CEP152: variants seen among roughly 807,000 people sequenced by gnomAD.
CEP152 encodes the protein centrosomal protein 152, also known as centrosomal protein of 152 kDa.
A neutral mutation model predicts 188.9 loss-of-function variants in CEP152; 132 were observed. The observed-to-expected ratio is 0.70, with a 90% CI of 0.61 to 0.81. CEP152 has a LOEUF of 0.81. CEP152 is among the 30% of genes least tolerant of loss of function. The pLI is 0.00. For missense variants in CEP152, 1,914 were observed against 1,969.8 expected, an observed-to-expected ratio of 0.97 and a Z score of 0.54; for synonymous variants, 649 against 666.6, an observed-to-expected ratio of 0.97 and a Z score of 0.41.
At chr15:48,791,051 G>A (rs1410409254) in intron 8 of CEP152, among the ~76,000 whole-genome samples, 186 bp downstream of exon 8, 4 of 151,938 alleles carry the variant, frequency 2.6e-5, no homozygotes, top group African/African-American at 9.6e-5. Context: ...GAAGCAGCAG[G>A]AAAAATAAAA....
chr15:48,757,148 C>T (rs564384914), intron 19 of CEP152, among the ~76,000 whole-genome samples: 2 of 150,398 alleles, frequency 1.3e-5, no homozygotes, highest in East Asian at 2.0e-4. Context: ...AAAGTAATAG[C>T]GAAATCAAAA....
At chr15:48,760,040 C>T in intron 19 of CEP152, 95 bp downstream of exon 19, 1 of 1,526,186 alleles carries the variant, frequency 6.6e-7, no homozygotes, top group Non-Finnish European at 9.0e-7. Context: ...TATCCTTCAA[C>T]AATTCTATGA....
chr15:48,767,419 T>C lies in CEP152; in HGVS notation c.2063A>G (p.Gln688Arg). Residue 688 changes from glutamine (Q) to arginine (R), a missense_variant, in exon 16 of 27, where the codon CAA becomes CGA. Physicochemically the swap from Gln to Arg is conservative, Grantham distance 43 (BLOSUM62 1). Transcript: ENST00000380950. ...CTTTGCTAATAGGCTTTCACGTATT[T>C]GAGTTTTCATGGCTTCATGGTGCTG... ...YQQHHEAMKT[Q>R]IRESLLAKHA... 1 of 1,614,146 alleles carries C rather than the reference T, an allele frequency of 6.2e-7. No individual in the cohort carries two copies. The highest frequency in any genetic ancestry group is 8.5e-7 in the Non-Finnish European group (1 of 1,179,990).
chr15:48,773,615 A>C (rs751640096), intron 12 of CEP152: 9 of 152,232 alleles, frequency 5.9e-5, no homozygotes, highest in Non-Finnish European at 1.2e-4. Flanking sequence ...ATAGGAAATG[A>C]ATAAGGCTGG....
At chr15:48,750,356 C>T (rs1893784095) in intron 21 of CEP152, among the ~76,000 whole-genome samples, 1 of 152,022 alleles carries the variant, frequency 6.6e-6, no homozygotes, top group Admixed American at 6.6e-5. Flanking sequence ...AGACTATTAA[C>T]ATAAGTGATA....
intron 12 of CEP152, among the ~76,000 whole-genome samples, chr15:48,775,644 ATAT>A (rs1441067753): frequency 6.6e-6 from 1 of 152,190 alleles, no homozygotes; most frequent in Non-Finnish European, 1.5e-5. Context: ...ACAGAAGATC[ATAT>A]TATACGATTC....
chr15:48,755,741 T>C (rs1056205672), intron 20 of CEP152, among the ~76,000 whole-genome samples, 162 bp downstream of exon 20: 1 of 152,160 alleles, frequency 6.6e-6, no homozygotes, highest in Non-Finnish European at 1.5e-5. Flanking sequence ...CAACGAAACA[T>C]GCAAACCTTT....
intron 6 of CEP152, among the ~76,000 whole-genome samples, chr15:48,794,698 A>C (rs531610555): frequency 6.2e-4 from 95 of 152,362 alleles, no homozygotes; most frequent in African/African-American, 2.2e-3. Flanking sequence ...GGAGATACAA[A>C]TACAACTTTT....
chr15:48,757,868 T>C (rs1456711359), intron 19 of CEP152, among the ~76,000 whole-genome samples: 1 of 152,246 alleles, frequency 6.6e-6, no homozygotes. Flanking sequence ...CATGTTGCAA[T>C]GGATGCCTGG....
At position 48,755,990 on chromosome 15, in the gene CEP152, A is replaced by G; in HGVS notation, c.3258T>C (p.Tyr1086=). Residue 1086 remains tyrosine, a synonymous_variant, in exon 20 of 27, where the codon TAT becomes TAC. Transcript: ENST00000380950. ...GTATGCAGCCCTTTAGTTTTTCAAAATATTGCACAGACATCCATTTTGAAG... is the reference window on the plus strand; with the variant it reads ...GTATGCAGCCCTTTAGTTTTTCAAAGTATTGCACAGACATCCATTTTGAAG... ...TCSSKWMSVQ[Y]FEKLKGCIQK... 6.2e-7 allele frequency: 1 copy of G among 1,614,080 alleles called. No individual in the cohort carries two copies.
Position 48,762,465 on chromosome 15 carries a change from T to C in CEP152, c.2488A>G (p.Ile830Val), listed in dbSNP as rs1894754552. The C allele has an allele frequency of 1.2e-6, 2 of 1,614,126 alleles. No individual in the cohort carries two copies. Among genetic ancestry groups the C allele is most frequent in the Non-Finnish European group, 1.7e-6 (2 of 1,179,978 alleles). Residue 830 changes from isoleucine to valine, a missense_variant, in exon 18 of 27, where the codon ATA becomes GTA. Ile to Val is a conservative substitution (Grantham distance 29). Coordinates refer to ENST00000380950, the MANE Select transcript of CEP152 (RefSeq NM_001194998.2). ...TTCTTCATAGCCCCCTTGATGGCTA[T>C]GTCCTTCTCTTGTTCTAAGTTTTGC... ...IQQNLEQEKD[I>V]AIKGAMKKLE...
In CEP152 at chr15:48,772,791, C is replaced by T; in HGVS notation, c.1578-100G>A. 11 of 990,144 alleles carry T rather than the reference C, an allele frequency of 1.1e-5. No homozygotes were observed. In the South Asian group the frequency reaches 1.5e-4, roughly 13 times the overall value. 61.3% of individuals were successfully genotyped at this position (990,144 alleles called of 1,614,324 possible). On this transcript the variant is annotated intron_variant, in intron 12 of 26. Coordinates refer to ENST00000380950, the MANE Select transcript of CEP152 (RefSeq NM_001194998.2). ...CCACAGTGGTGAACATGTTTTGTCA[C>T]CTATACAATTATATACTAGTATTTC...
intron 9 of CEP152, among the ~76,000 whole-genome samples, chr15:48,785,030 G>A (rs955716718): frequency 1.3e-5 from 2 of 152,114 alleles, no homozygotes; most frequent in African/African-American, 4.8e-5. Flanking sequence ...GAGTTAAGTT[G>A]ATTAACTGAA....
chr15:48,768,990 T>G lies in CEP152; in HGVS notation c.1874A>C (p.Lys625Thr), dbSNP rs1341694907. 2 of 1,580,846 alleles carry G rather than the reference T, an allele frequency of 1.3e-6. No homozygotes were observed. Among genetic ancestry groups the G allele is most frequent in the Admixed American group, 1.7e-5 (1 of 59,408 alleles). The change falls in exon 14 of 27, where the codon AAA becomes ACA. Residue 625 changes from lysine (K) to threonine (T), a missense_variant. Coordinates refer to ENST00000380950, the MANE Select transcript of CEP152 (RefSeq NM_001194998.2). ...TTGTTGTAAAACTTGAATTTCATTT[T>G]TAAGCAGCAGAATATCATCTCTGAC... The part of the protein sequence containing the change: ...DVVRDDILLL[K>T]NEIQVLQQQN...
intron 12 of CEP152, among the ~76,000 whole-genome samples, chr15:48,780,306 C>T (rs1896163964): frequency 6.6e-6 from 1 of 152,194 alleles, no homozygotes; most frequent in South Asian, 2.1e-4. Flanking sequence ...ATAATACCAT[C>T]TACTTTCACA....
chr15:48,760,177 C>CTGTTCTGCCTTCACAAGTGCTTGA lies in CEP152; in HGVS notation c.2628_2651dup (p.Glu883_Gln884insHisGlnAlaLeuValLysAlaGlu), dbSNP rs1894575524. The CTGTTCTGCCTTCACAAGTGCTTGA allele has an allele frequency of 6.2e-7, 1 of 1,613,986 alleles. No individual in the cohort carries two copies. Among genetic ancestry groups the CTGTTCTGCCTTCACAAGTGCTTGA allele is most frequent in the Non-Finnish European group, 8.5e-7 (1 of 1,179,970 alleles). On this transcript the variant is annotated inframe_insertion, in exon 19 of 27. Coordinates refer to ENST00000380950, the MANE Select transcript of CEP152 (RefSeq NM_001194998.2). Reference sequence around the variant, plus strand: ...CCTCATGCTGTTCTTCCCACTTTTTCTGTTCTGCCTTCACAAGTGCTTGAT... The same window carrying CTGTTCTGCCTTCACAAGTGCTTGA: ...CCTCATGCTGTTCTTCCCACTTTTTCTGTTCTGCCTTCACAAGTGCTTGATGTTCTGCCTTCACAAGTGCTTGAT...
At chr15:48,767,000 T>C in intron 17 of CEP152, 60 bp downstream of exon 17, 2 of 1,601,152 alleles carry the variant, frequency 1.2e-6, no homozygotes. Flanking sequence ...TTCGTTTAAA[T>C]GATAATACTG....
At position 48,781,129 on chromosome 15, in the gene CEP152, A is replaced by G. The variant is rs1896212633; in HGVS notation, c.1577+67T>C. On this transcript the variant is annotated intron_variant, in intron 12 of 26. Coordinates refer to ENST00000380950, the MANE Select transcript of CEP152 (RefSeq NM_001194998.2). Reference sequence around the variant, plus strand: ...ATAATACGCTCTCACCTTAAAACAGATACCATGCATCATCAGCATTACTAA... The same window carrying G: ...ATAATACGCTCTCACCTTAAAACAGGTACCATGCATCATCAGCATTACTAA... 3.7e-6 allele frequency: 5 copies of G among 1,364,070 alleles called. No individual in the cohort carries two copies. The East Asian group carries it at 1.2e-4, about 31-fold the overall frequency. The allele number at this position is 1,364,070 out of a possible 1,614,324, so 84.5% of individuals were successfully genotyped here. A position where few individuals can be genotyped will look rare whatever the true frequency, so the allele number is the denominator to read the frequency against.
At chr15:48,796,778 C>A (rs113386498) in intron 5 of CEP152, among the ~76,000 whole-genome samples, 12 of 152,142 alleles carry the variant, frequency 7.9e-5, no homozygotes, top group Non-Finnish European at 1.3e-4. Flanking sequence ...AACTCCCCCC[C>A]AGGAAAAACA....
Sources: gnomAD v4.1 joint callset for allele counts (sites outside exome capture counted in the v4.1 genomes callset) on GRCh38, gnomAD v4.1.1 for gene constraint, MANE v1.5 for transcripts, NCBI Gene and HGNC (gene_info 2026-07-23, HGNC 2026-07-21) for gene names.